GABRR3: variants seen among roughly 807,000 people sequenced by gnomAD.
GABRR3 encodes gamma-aminobutyric acid type A receptor subunit rho3, also known as gamma-aminobutyric acid receptor subunit rho-3.
GABRR3 carries 29 observed loss-of-function variants against 43.2 expected under a neutral mutation model. That is an observed-to-expected ratio of 0.67 (90% CI 0.50 to 0.92). The LOEUF (loss-of-function observed/expected upper bound fraction) is 0.92. Ranked by LOEUF, GABRR3 falls within the 40% of genes least tolerant of loss-of-function variation. GABRR3 has a pLI of 0.00. For missense variants in GABRR3, 576 were observed against 572.3 expected (o/e 1.01, Z -0.07); for synonymous variants, 206 against 195.9 (o/e 1.05, Z -0.43).
At chr3:98,004,031 T>C (rs998147368) in intron 7 of GABRR3, among the ~76,000 whole-genome samples, 4 of 152,090 alleles carry the variant, frequency 2.6e-5, no homozygotes, top group African/African-American at 9.7e-5. Context: ...GAGGAGTTAA[T>C]AACAGAGAGA....
chr3:98,011,290 T>C (rs191729130), intron 5 of GABRR3, among the ~76,000 whole-genome samples: 1 of 152,200 alleles, frequency 6.6e-6, no homozygotes, highest in Non-Finnish European at 1.5e-5. Context: ...AATCTGGTGG[T>C]TTAATACAAC....
rs1239909473 is a variant in GABRR3, at chr3:97,992,845, GC to G, written c.1104+6del. The stretch of plus-strand genomic sequence containing the variant: ...CAAGGGATCTGATAGTCAGAGCAAG[GC>G]TGTACCTTTCCTGTCTTCTTGAATT... On this transcript the variant is annotated splice_donor_region_variant and intron_variant, in intron 9 of 9. Transcript: ENST00000621172. 1 of 1,599,720 alleles carries G rather than the reference GC, an allele frequency of 6.3e-7. No individual in the cohort carries two copies. The highest frequency in any genetic ancestry group is 8.5e-7 in the Non-Finnish European group (1 of 1,172,678).
chr3:98,001,560 C>T (rs573295931), intron 8 of GABRR3, 55 bp downstream of exon 8: 2 of 1,587,746 alleles, frequency 1.3e-6, no homozygotes, highest in African/African-American at 1.3e-5. Context: ...ATTTTATTTA[C>T]CTCCCTTGAA....
chr3:97,994,723 T>C (rs967406980), intron 8 of GABRR3, among the ~76,000 whole-genome samples: 2 of 152,256 alleles, frequency 1.3e-5, no homozygotes, highest in Non-Finnish European at 1.5e-5. Context: ...TCTAGGTAAA[T>C]AATTAGCCAC....
At chr3:98,004,008 A>T (rs1706690282) in intron 7 of GABRR3, among the ~76,000 whole-genome samples, 2 of 152,154 alleles carry the variant, frequency 1.3e-5, no homozygotes, top group South Asian at 4.1e-4. Flanking sequence ...AGTTTGCCAT[A>T]CAGTAGAAAG....
intron 2 of GABRR3, among the ~76,000 whole-genome samples, chr3:98,034,068 T>C (rs1341309209): frequency 6.6e-6 from 1 of 152,164 alleles, no homozygotes; most frequent in Admixed American, 6.6e-5. Flanking sequence ...CAGATGATAC[T>C]CTTCATTCCT....
intron 9 of GABRR3, among the ~76,000 whole-genome samples, chr3:97,990,729 T>C (rs1285897680): frequency 6.6e-6 from 1 of 151,418 alleles, no homozygotes; most frequent in East Asian, 1.9e-4. Context: ...CTTGAGATAG[T>C]TGCATTTATT....
intron 8 of GABRR3, chr3:97,998,935 T>C (rs1002621444): frequency 6.6e-6 from 1 of 152,172 alleles, no homozygotes; most frequent in Admixed American, 6.5e-5. Flanking sequence ...CTAATAATGA[T>C]AGACACGACC....
Position 98,031,533 on chromosome 3 carries a change from C to T in GABRR3, c.125+3330G>A, listed in dbSNP as rs536820343. Among the ~76,000 whole-genome samples the T allele has an allele frequency of 8.5e-5, 13 of 152,080 alleles. No individual in the cohort carries two copies. In the South Asian group the frequency reaches 2.7e-3, roughly 32 times the overall value. On this transcript the variant is annotated intron_variant, in intron 2 of 9. Transcript: ENST00000621172. ...GCCAAGGCTGGAGGATCATTTGAGG[C>T]CAGGAGTTTGAGTCCAGCCTGGGCA... is the stretch of plus-strand genomic sequence containing the variant.
chr3:97,990,195 C>T (rs910860274), intron 9 of GABRR3, among the ~76,000 whole-genome samples: 1 of 152,114 alleles, frequency 6.6e-6, no homozygotes, highest in Non-Finnish European at 1.5e-5. Context: ...AGTTTTTACG[C>T]CCTTTTACTA....
At chr3:98,006,093 A>G (rs1706721492) in intron 7 of GABRR3, among the ~76,000 whole-genome samples, 1 of 152,114 alleles carries the variant, frequency 6.6e-6, no homozygotes, top group African/African-American at 2.4e-5. Context: ...TTATTCATAT[A>G]GAGAAAGACA....
At chr3:98,004,802 G>T (rs1328004460) in intron 7 of GABRR3, among the ~76,000 whole-genome samples, 1 of 151,944 alleles carries the variant, frequency 6.6e-6, no homozygotes, top group Admixed American at 6.6e-5. Context: ...AGTGGTGGTT[G>T]TGGCTGGTAG....
At chr3:98,003,433 G>A (rs1409312048) in intron 7 of GABRR3, among the ~76,000 whole-genome samples, 2 of 134,420 alleles carry the variant, frequency 1.5e-5, no homozygotes, top group Admixed American at 7.4e-5. Flanking sequence ...TTTTTTTTTG[G>A]TGGGGTGGGG....
chr3:97,985,256 T>G (rs1178903535), downstream of GABRR3, among the ~76,000 whole-genome samples: 2 of 152,204 alleles, frequency 1.3e-5, no homozygotes, highest in Non-Finnish European at 2.9e-5. Flanking sequence ...ATCTGCAAAA[T>G]GAACACTGAT....
chr3:97,986,960 T>G, exon 10 of GABRR3: 1 of 1,604,638 alleles, frequency 6.2e-7, no homozygotes. Flanking sequence ...TTGAACTGCA[T>G]CAATATTGTA....
rs138985311 is a variant in GABRR3 at position 97,995,789 on chromosome 3, A to G, written c.908-2741T>C. Reference sequence around the variant, plus strand: ...AAATACATTAATCTTGACAAATAGTATTCCTTCCAAACCCATTAAAGTTAA... The same window carrying G: ...AAATACATTAATCTTGACAAATAGTGTTCCTTCCAAACCCATTAAAGTTAA... On this transcript the variant is annotated intron_variant, in intron 8 of 9. Transcript: ENST00000621172. Among the ~76,000 whole-genome samples the G allele has an allele frequency of 6.7e-4, 102 of 152,282 alleles. 3 individuals are homozygous for G. The East Asian group carries it at 0.019, about 29-fold the overall frequency.
chr3:98,027,192 C>G lies in GABRR3; in HGVS notation c.126-1513G>C, dbSNP rs534471100. On this transcript the variant is annotated intron_variant, in intron 2 of 9. Transcript: ENST00000621172. ...TTAAATGTCTACTATGTTCAAGTCA[C>G]CAAGCCAAAGTAAACATTATTTTCA... is the stretch of plus-strand genomic sequence containing the variant. Among the ~76,000 whole-genome samples, 17 of 152,258 alleles carry G rather than the reference C, an allele frequency of 1.1e-4. No homozygotes were observed. The East Asian group carries it at 3.3e-3, about 29-fold the overall frequency.
At chr3:97,991,873 T>C (rs919713284) in intron 9 of GABRR3, among the ~76,000 whole-genome samples, 1 of 152,122 alleles carries the variant, frequency 6.6e-6, no homozygotes, top group African/African-American at 2.4e-5. Flanking sequence ...CCAATATGAA[T>C]AGATTTCATT....
At position 98,008,972 on chromosome 3, in the gene GABRR3, A is replaced by G. The variant is rs1462162261; in HGVS notation, c.597T>C (p.Ser199=). Reference sequence around the variant, plus strand: ...GAGACTTACAGCTTTCCAGTTCAAGAGAACAATTTTGAGTGTCAAGAGGAA... The same window carrying G: ...GAGACTTACAGCTTTCCAGTTCAAGGGAACAATTTTGAGTGTCAAGAGGAA... Residue 199 remains serine, a synonymous_variant, in exon 6 of 10, where the codon TCT becomes TCC. Coordinates refer to ENST00000621172, the Ensembl canonical transcript of GABRR3. 6 of 1,604,306 alleles carry G rather than the reference A, an allele frequency of 3.7e-6. No individual in the cohort carries two copies. The South Asian group carries it at 6.8e-5, about 18-fold the overall frequency.
Sources: allele counts gnomAD v4.1 joint callset (sites outside exome capture counted in the v4.1 genomes callset), GRCh38; gene constraint gnomAD v4.1.1; transcripts MANE v1.5; gene names NCBI Gene and HGNC (gene_info 2026-07-23, HGNC 2026-07-21).